Variants in SCFD2 observed in about 807,000 individuals in gnomAD.
SCFD2 encodes the protein sec1 family domain containing 2.
Under a neutral mutation model 58.9 loss-of-function variants are expected in SCFD2, and 54 were observed. The ratio of observed to expected loss-of-function variants is 0.92; its 90% CI spans 0.74 to 1.15. The LOEUF is 1.15. SCFD2 is among the 50% of genes most tolerant of loss of function. The probability of loss-of-function intolerance (pLI) is 0.00; values close to 1 mark genes in which losing one functional copy is unlikely to be tolerated. For missense variants in SCFD2, 805 were observed against 836.6 expected (o/e 0.96, Z 0.47); for synonymous variants, 321 against 335.9 (o/e 0.96, Z 0.49).
At chr4:53,139,262 C>T (rs11736649) in intron 5 of SCFD2, among the ~76,000 whole-genome samples, 38,411 of 152,092 alleles carry the variant, frequency 0.25, 5,840 homozygotes, top group Non-Finnish European at 0.34. Flanking sequence ...CCCAAAGTGC[C>T]GAGATTGCAA....
rs112487774 is a variant in SCFD2 at position 53,311,642 on chromosome 4, A to ATT, written c.1135+1993_1135+1994insAA. 9.1e-3 allele frequency among the ~76,000 whole-genome samples: 1,364 copies of ATT among 150,204 alleles called. 22 individuals are homozygous for ATT. The highest frequency in any genetic ancestry group is 0.03 in the African/African-American group (1,231 of 41,034). On this transcript the variant is annotated intron_variant, in intron 3 of 8. Transcript: ENST00000401642. Reference sequence around the variant, plus strand: ...TGCATTCCTACTTTCCTTGATTCACAATTTTTTTTTTTTAAACGGTGTCTC... The same window carrying ATT: ...TGCATTCCTACTTTCCTTGATTCACATTATTTTTTTTTTTTAAACGGTGTCTC...
At chr4:53,241,673 C>T (rs2149026217) in intron 4 of SCFD2, among the ~76,000 whole-genome samples, 1 of 152,364 alleles carries the variant, frequency 6.6e-6, no homozygotes, top group Admixed American at 6.5e-5. Context: ...GCAAACCAAA[C>T]CTTGCCTTCC....
chr4:52,970,728 G>A (rs1577869086), intron 5 of SCFD2, among the ~76,000 whole-genome samples: 1 of 152,188 alleles, frequency 6.6e-6, no homozygotes, highest in Admixed American at 6.5e-5. Flanking sequence ...CCTTAAGTGG[G>A]TCCCTGACCC....
intron 4 of SCFD2, among the ~76,000 whole-genome samples, chr4:53,244,058 T>C (rs894121013): frequency 1.3e-5 from 2 of 152,160 alleles, no homozygotes; most frequent in Non-Finnish European, 2.9e-5. Flanking sequence ...TAAATGTATA[T>C]GCACCTAACA....
chr4:52,932,457 CT>C (rs943081819), intron 5 of SCFD2, among the ~76,000 whole-genome samples: 1 of 152,054 alleles, frequency 6.6e-6, no homozygotes, highest in African/African-American at 2.4e-5. Flanking sequence ...CTTTAAAAAT[CT>C]TTTTTTTCCA....
intron 5 of SCFD2, among the ~76,000 whole-genome samples, chr4:53,030,474 G>C (rs1722589682): frequency 6.6e-6 from 1 of 151,834 alleles, no homozygotes; most frequent in African/African-American, 2.4e-5. Flanking sequence ...CCAGGCTGGA[G>C]TGCAGTGGCG....
chr4:52,878,387 C>T (rs1233626858), intron 8 of SCFD2, among the ~76,000 whole-genome samples: 4 of 152,206 alleles, frequency 2.6e-5, no homozygotes, highest in Non-Finnish European at 5.9e-5. Flanking sequence ...GAAAAACCTA[C>T]TTGTCTCTAA....
At position 52,884,674 on chromosome 4, in the gene SCFD2, T is replaced by C. The variant is rs12647144; in HGVS notation, c.1962+1073A>G. ...TCAGGGGCTGTTTTGGGGAACACACTAAGGCAAGGGTTTTACATCTTACTG... is the reference window on the plus strand; with the variant it reads ...TCAGGGGCTGTTTTGGGGAACACACCAAGGCAAGGGTTTTACATCTTACTG... On this transcript the variant is annotated intron_variant, in intron 8 of 8. Coordinates refer to ENST00000401642, the MANE Select transcript of SCFD2 (RefSeq NM_152540.4). Among the ~76,000 whole-genome samples, 1,977 of 152,164 alleles carry C rather than the reference T, an allele frequency of 0.013. 207 individuals are homozygous for C. In the East Asian group the frequency reaches 0.27, roughly 21 times the overall value.
chr4:52,976,179 A>G (rs1721257113), intron 5 of SCFD2, among the ~76,000 whole-genome samples: 1 of 152,144 alleles, frequency 6.6e-6, no homozygotes, highest in Non-Finnish European at 1.5e-5. Flanking sequence ...ATATATAAAA[A>G]AAATTGGTTG....
intron 4 of SCFD2, among the ~76,000 whole-genome samples, chr4:53,180,166 AG>A (rs1336503696): frequency 6.6e-6 from 1 of 152,266 alleles, no homozygotes; most frequent in African/African-American, 2.4e-5. Flanking sequence ...AGACATCGAC[AG>A]AAGTCTCCAT....
intron 3 of SCFD2, among the ~76,000 whole-genome samples, chr4:53,295,778 A>G (rs1026166543): frequency 3.3e-5 from 5 of 152,366 alleles, no homozygotes; most frequent in Admixed American, 3.3e-4. Context: ...TGGGTATGTC[A>G]TAAATAACTC....
intron 4 of SCFD2, among the ~76,000 whole-genome samples, chr4:53,255,358 G>A (rs1018591519): frequency 7.9e-5 from 12 of 152,038 alleles, no homozygotes; most frequent in African/African-American, 2.2e-4. Context: ...AGGACCCTGC[G>A]GCCTTCCGCA....
chr4:53,092,384 A>G (rs1724497573), intron 5 of SCFD2, among the ~76,000 whole-genome samples: 1 of 152,196 alleles, frequency 6.6e-6, no homozygotes, highest in South Asian at 2.1e-4. Flanking sequence ...ACAGTTGGGC[A>G]ATTTCTTTAA....
chr4:53,247,306 G>A (rs1317369581), intron 4 of SCFD2, among the ~76,000 whole-genome samples: 4 of 152,170 alleles, frequency 2.6e-5, no homozygotes, highest in African/African-American at 9.7e-5. Context: ...GTAGGTGGGA[G>A]TGTAAATTCG....
intron 5 of SCFD2, among the ~76,000 whole-genome samples, chr4:53,018,708 C>T (rs1351081908): frequency 2.6e-5 from 4 of 152,162 alleles, no homozygotes; most frequent in Non-Finnish European, 5.9e-5. Flanking sequence ...CCAAACACAA[C>T]CCTCCCAAAG....
At chr4:53,146,197 T>A (rs922545655) in intron 4 of SCFD2, among the ~76,000 whole-genome samples, 3 of 151,980 alleles carry the variant, frequency 2.0e-5, no homozygotes, top group South Asian at 2.1e-4. Flanking sequence ...TTTAAAAAAA[T>A]TGCCTTTATA....
At chr4:53,307,243 G>A (rs1732543818) in intron 3 of SCFD2, among the ~76,000 whole-genome samples, 1 of 152,240 alleles carries the variant, frequency 6.6e-6, no homozygotes, top group South Asian at 2.1e-4. Flanking sequence ...GAGAGGGAAA[G>A]CAATGAGAAT....
At chr4:53,327,621 A>G (rs1410948832) in intron 2 of SCFD2, among the ~76,000 whole-genome samples, 1 of 152,178 alleles carries the variant, frequency 6.6e-6, no homozygotes, top group Non-Finnish European at 1.5e-5. Flanking sequence ...GGCAGCATCC[A>G]CATAGAGGAG....
intron 4 of SCFD2, among the ~76,000 whole-genome samples, chr4:53,201,021 A>T (rs185981419): frequency 7.2e-4 from 110 of 151,810 alleles, no homozygotes; most frequent in East Asian, 2.3e-3. Context: ...TTAATTTTTT[A>T]AAAAATTTTA....
Sources: gnomAD v4.1 joint callset for allele counts (sites outside exome capture counted in the v4.1 genomes callset) on GRCh38, gnomAD v4.1.1 for gene constraint, MANE v1.5 for transcripts, NCBI Gene and HGNC (gene_info 2026-07-23, HGNC 2026-07-21) for gene names.